The following NRXN1 variants were observed in gnomAD, a reference collection of about 807,000 sequenced individuals.
The protein encoded by NRXN1 is neurexin 1, also known as neurexin-1.
A neutral mutation model predicts 150.9 loss-of-function variants in NRXN1; 39 were observed. The observed-to-expected ratio is 0.26, with a 90% CI of 0.20 to 0.34. The LOEUF is 0.34. Ranked by LOEUF, NRXN1 falls within the 10% of genes least tolerant of loss-of-function variation. NRXN1 has a pLI of 1.00. For missense variants in NRXN1, 1,815 were observed against 1,949.9 expected (o/e 0.93, Z 1.30); for synonymous variants, 924 against 757.0 (o/e 1.22, Z -3.62).
chr2:50,846,489 T>G (rs984821550), intron 5 of NRXN1, among the ~76,000 whole-genome samples: 1 of 152,218 alleles, frequency 6.6e-6, no homozygotes, highest in African/African-American at 2.4e-5. Context: ...ACTGTGTTTG[T>G]CTTACTGTCT....
At chr2:50,570,917 T>C (rs74915157) in intron 8 of NRXN1, among the ~76,000 whole-genome samples, 4,087 of 152,286 alleles carry the variant, frequency 0.027, 82 homozygotes, top group Middle Eastern at 0.12. Context: ...CCTTACCCTA[T>C]GCTAGATAGA....
rs115824198 is a variant in NRXN1 at position 50,252,783 on chromosome 2, C to G, written c.3365-15813G>C. Among the ~76,000 whole-genome samples the G allele has an allele frequency of 4.3e-3, 659 of 151,796 alleles. 4 individuals are homozygous for G. The highest frequency in any genetic ancestry group is 0.015 in the African/African-American group (622 of 41,462). ...TAAACTGTTCCATTAGTCTATGTGT[C>G]TGTGTGTGCCATGCTGTTTGGTTAC... On this transcript the variant is annotated intron_variant, in intron 17 of 22. Transcript: ENST00000401669.
intron 5 of NRXN1, among the ~76,000 whole-genome samples, chr2:50,818,114 CAAA>C (rs199675644): frequency 2.1e-5 from 1 of 46,714 alleles, no homozygotes. Flanking sequence ...GACTCCATAG[CAAA>C]AAAAAAAAAA....
chr2:50,541,806 C>A (rs991564474), intron 9 of NRXN1, among the ~76,000 whole-genome samples: 1 of 150,446 alleles, frequency 6.6e-6, no homozygotes, highest in Admixed American at 6.6e-5. Context: ...CTCATCATAT[C>A]ATTTTATTAA....
intron 2 of NRXN1, among the ~76,000 whole-genome samples, chr2:51,013,932 A>C (rs577673919): frequency 6.6e-6 from 1 of 152,160 alleles, no homozygotes; most frequent in Non-Finnish European, 1.5e-5. Context: ...TCCTGCTTAC[A>C]AATGCAATGC....
At chr2:50,274,877 C>CACTTTTT in intron 17 of NRXN1, among the ~76,000 whole-genome samples, 1 of 152,044 alleles carries the variant, frequency 6.6e-6, no homozygotes, top group East Asian at 1.9e-4. Flanking sequence ...TGAACCAAGT[C>CACTTTTT]AAAATTTAAA....
At chr2:49,952,547 T>A (rs905615792) in intron 21 of NRXN1, among the ~76,000 whole-genome samples, 4 of 152,114 alleles carry the variant, frequency 2.6e-5, no homozygotes, top group Non-Finnish European at 4.4e-5. Flanking sequence ...TTTTCTGAAA[T>A]TATTGTTTTA....
At chr2:50,170,657 A>T (rs2059972620) in intron 18 of NRXN1, among the ~76,000 whole-genome samples, 1 of 152,090 alleles carries the variant, frequency 6.6e-6, no homozygotes, top group Non-Finnish European at 1.5e-5. Flanking sequence ...TGGGATGCTC[A>T]AATAGTGCAA....
chr2:50,447,367 C>A (rs1489114573), intron 17 of NRXN1, among the ~76,000 whole-genome samples: 3 of 148,592 alleles, frequency 2.0e-5, no homozygotes, highest in Admixed American at 6.8e-5. Context: ...GTAATTCCAG[C>A]TACTTGGGAG....
rs188235900 is a variant in NRXN1, at chr2:50,434,673, A to T, written c.3364+30769T>A. Reference sequence around the variant, plus strand: ...TTACAGCCAATAAAAACAATTTTTTAAAAAAAATTTCTTTGTTCACTTTTT... The same window carrying T: ...TTACAGCCAATAAAAACAATTTTTTTAAAAAAATTTCTTTGTTCACTTTTT... On this transcript the variant is annotated intron_variant, in intron 17 of 22. Coordinates refer to ENST00000401669, the MANE Select transcript of NRXN1 (RefSeq NM_001330078.2). 1.0e-3 allele frequency among the ~76,000 whole-genome samples: 156 copies of T among 148,674 alleles called. 1 individual carries two copies. Among genetic ancestry groups the T allele is most frequent in the Admixed American group, 3.9e-3 (60 of 15,204 alleles).
chr2:50,579,240 C>T (rs575875875), intron 8 of NRXN1, among the ~76,000 whole-genome samples: 19 of 152,250 alleles, frequency 1.2e-4, no homozygotes, highest in African/African-American at 4.6e-4. Context: ...CTATTGTTTT[C>T]TGATACTAAG....
intron 5 of NRXN1, among the ~76,000 whole-genome samples, chr2:50,645,047 G>T (rs1684624845): frequency 1.3e-5 from 2 of 151,820 alleles, no homozygotes; most frequent in South Asian, 2.1e-4. Context: ...CAAACTTTCT[G>T]AATACAAAAT....
chr2:50,549,897 T>C (rs1330393556), intron 9 of NRXN1, among the ~76,000 whole-genome samples: 1 of 152,086 alleles, frequency 6.6e-6, no homozygotes, highest in Non-Finnish European at 1.5e-5. Flanking sequence ...TGTATGTACA[T>C]ATGCATATAT....
intron 21 of NRXN1, among the ~76,000 whole-genome samples, chr2:50,028,965 A>T (rs573358444): frequency 6.6e-6 from 1 of 152,212 alleles, no homozygotes; most frequent in African/African-American, 2.4e-5. Context: ...GGAGCTTGCA[A>T]TGCTGTTAGT....
At chr2:50,484,921 A>C (rs6745627) in intron 15 of NRXN1, among the ~76,000 whole-genome samples, 8,467 of 152,272 alleles carry the variant, frequency 0.056, 822 homozygotes, top group African/African-American at 0.19. Flanking sequence ...CCAAGATTAA[A>C]ATAAATGTTA....
chr2:50,581,608 G>A (rs533822013), intron 8 of NRXN1, among the ~76,000 whole-genome samples: 4 of 152,174 alleles, frequency 2.6e-5, no homozygotes, highest in Admixed American at 6.6e-5. Flanking sequence ...GGGAACTAAT[G>A]AGGAGAAATA....
chr2:50,462,001 A>G (rs113468559), intron 17 of NRXN1, among the ~76,000 whole-genome samples: 248 of 152,076 alleles, frequency 1.6e-3, no homozygotes, highest in African/African-American at 5.6e-3. Flanking sequence ...TCTGCAACAG[A>G]TAAGTATGAA....
chr2:50,468,098 A>T (rs762423015), intron 16 of NRXN1, among the ~76,000 whole-genome samples: 2 of 151,656 alleles, frequency 1.3e-5, no homozygotes, highest in Non-Finnish European at 3.0e-5. Flanking sequence ...GGGAGATGCC[A>T]TTTTATCAAA....
intron 3 of NRXN1, among the ~76,000 whole-genome samples, chr2:50,923,805 T>A (rs1484383566): frequency 6.6e-6 from 1 of 151,860 alleles, no homozygotes; most frequent in Non-Finnish European, 1.5e-5. Context: ...ATTGGTTTCA[T>A]CAGTATTTAA....
Sources: gnomAD v4.1 joint callset for allele counts (sites outside exome capture counted in the v4.1 genomes callset) on GRCh38, gnomAD v4.1.1 for gene constraint, MANE v1.5 for transcripts, NCBI Gene and HGNC (gene_info 2026-07-23, HGNC 2026-07-21) for gene names.